Variants in NKAIN2 observed in about 807,000 individuals in gnomAD.
NKAIN2 encodes sodium/potassium transporting ATPase interacting 2.
Under a neutral mutation model 32.6 loss-of-function variants are expected in NKAIN2, and 14 were observed. The ratio of observed to expected loss-of-function variants is 0.43; its 90% CI spans 0.28 to 0.67. The LOEUF (loss-of-function observed/expected upper bound fraction) is 0.67. NKAIN2 is among the 30% of genes least tolerant of loss of function. The pLI is 0.17. For synonymous variants in NKAIN2, 80 were observed against 87.2 expected, an observed-to-expected ratio of 0.92 and a Z score of 0.46; for missense variants, 198 against 258.3, an observed-to-expected ratio of 0.77 and a Z score of 1.60.
At chr6:124,303,598 A>T (rs1381769656) in intron 2 of NKAIN2, among the ~76,000 whole-genome samples, 1 of 152,194 alleles carries the variant, frequency 6.6e-6, no homozygotes, top group Non-Finnish European at 1.5e-5. Context: ...CAGTAAATGA[A>T]TAGAAGTAAG....
intron 3 of NKAIN2, among the ~76,000 whole-genome samples, chr6:124,646,955 A>T (rs1360614077): frequency 1.3e-5 from 2 of 149,640 alleles, no homozygotes; most frequent in East Asian, 3.9e-4. Context: ...CGTCTCAAAA[A>T]ACAAAAACAA....
intron 3 of NKAIN2, among the ~76,000 whole-genome samples, chr6:124,373,778 G>T (rs940241216): frequency 2.6e-5 from 4 of 152,104 alleles, no homozygotes; most frequent in African/African-American, 9.7e-5. Context: ...ATGGCAAAGA[G>T]AAAGTTATTG....
chr6:124,441,492 G>T (rs1445222189), intron 3 of NKAIN2, among the ~76,000 whole-genome samples: 5 of 151,984 alleles, frequency 3.3e-5, no homozygotes, highest in African/African-American at 1.2e-4. Context: ...TCCAGTTCTC[G>T]CCTGGCTCTA....
intron 3 of NKAIN2, among the ~76,000 whole-genome samples, chr6:124,589,788 T>C (rs1583483849): frequency 6.6e-6 from 1 of 152,120 alleles, no homozygotes; most frequent in Admixed American, 6.5e-5. Flanking sequence ...TTTTAAGCCC[T>C]GCATGCATTA....
At chr6:124,005,161 G>A (rs1011649880) in intron 1 of NKAIN2, among the ~76,000 whole-genome samples, 2 of 152,092 alleles carry the variant, frequency 1.3e-5, no homozygotes, top group African/African-American at 2.4e-5. Flanking sequence ...GGAGGTGGAG[G>A]TTGCAGTGAG....
intron 1 of NKAIN2, among the ~76,000 whole-genome samples, chr6:124,214,298 A>T (rs1200774100): frequency 6.6e-6 from 1 of 152,162 alleles, no homozygotes; most frequent in East Asian, 1.9e-4. Flanking sequence ...TAGTAGTAAA[A>T]TTCTTAAGAA....
At chr6:124,185,194 A>T (rs552019999) in intron 1 of NKAIN2, among the ~76,000 whole-genome samples, 137 of 152,244 alleles carry the variant, frequency 9.0e-4, no homozygotes, top group Non-Finnish European at 1.5e-3. Flanking sequence ...ACTCTTTCAT[A>T]TTATGAAACT....
At chr6:124,100,992 A>C (rs1210671223) in intron 1 of NKAIN2, among the ~76,000 whole-genome samples, 1 of 152,192 alleles carries the variant, frequency 6.6e-6, no homozygotes, top group Non-Finnish European at 1.5e-5. Context: ...GTACAGTAGA[A>C]TTGCTCAAAT....
chr6:124,210,792 A>T (rs375268927), intron 1 of NKAIN2, among the ~76,000 whole-genome samples: 1 of 151,206 alleles, frequency 6.6e-6, no homozygotes, highest in African/African-American at 2.4e-5. Flanking sequence ...GAATGTTGAT[A>T]TTGTGTTCTA....
At chr6:124,262,475 G>T (rs530554498) in intron 1 of NKAIN2, among the ~76,000 whole-genome samples, 1 of 152,264 alleles carries the variant, frequency 6.6e-6, no homozygotes, top group African/African-American at 2.4e-5. Flanking sequence ...GTCTTCTAAA[G>T]AAAAGTTGGA....
At chr6:124,189,502 T>C (rs562299989) in intron 1 of NKAIN2, among the ~76,000 whole-genome samples, 1 of 152,066 alleles carries the variant, frequency 6.6e-6, no homozygotes, top group Admixed American at 6.6e-5. Flanking sequence ...AGTTCGAGAC[T>C]ATCCTGCTAA....
intron 1 of NKAIN2, among the ~76,000 whole-genome samples, chr6:124,032,888 A>C (rs777958462): frequency 2.6e-4 from 39 of 152,116 alleles, no homozygotes; most frequent in South Asian, 6.2e-4. Context: ...CTCTCTGGTA[A>C]TGTTTGTTTG....
intron 3 of NKAIN2, among the ~76,000 whole-genome samples, chr6:124,482,656 T>G (rs775852152): frequency 2.0e-4 from 30 of 152,184 alleles, no homozygotes; most frequent in Non-Finnish European, 1.8e-4. Flanking sequence ...TCAAGAAAAT[T>G]AAGACTTTTC....
At position 124,758,448 on chromosome 6, in the gene NKAIN2, C is replaced by T. The variant is rs138566462; in HGVS notation, c.475-32891C>T. On this transcript the variant is annotated intron_variant, in intron 4 of 6. Coordinates refer to ENST00000368417, the MANE Select transcript of NKAIN2 (RefSeq NM_001040214.3). The stretch of plus-strand genomic sequence containing the variant: ...GGACCCCACCAGACGCAGAATCTGC[C>T]GGCACCTTAATCTTGGACTTCCCAG... Among the ~76,000 whole-genome samples, 50 of 152,206 alleles carry T rather than the reference C, an allele frequency of 3.3e-4. No individual in the cohort carries two copies. In the South Asian group the frequency reaches 3.7e-3, roughly 11 times the overall value.
chr6:124,784,216 G>A (rs947560547), intron 4 of NKAIN2, among the ~76,000 whole-genome samples: 38 of 152,094 alleles, frequency 2.5e-4, no homozygotes, highest in African/African-American at 8.7e-4. Flanking sequence ...GAAATAAAAT[G>A]AGAGATTCTG....
At chr6:124,715,733 T>A (rs1331305694) in intron 4 of NKAIN2, among the ~76,000 whole-genome samples, 1 of 152,190 alleles carries the variant, frequency 6.6e-6, no homozygotes, top group Non-Finnish European at 1.5e-5. Context: ...ACAAAACTGC[T>A]ACCTGATTTC....
At chr6:124,013,655 A>G (rs1001142004) in intron 1 of NKAIN2, among the ~76,000 whole-genome samples, 5 of 152,142 alleles carry the variant, frequency 3.3e-5, no homozygotes, top group Non-Finnish European at 7.4e-5. Flanking sequence ...TGCATATGTT[A>G]CCCTTTATGG....
intron 1 of NKAIN2, among the ~76,000 whole-genome samples, chr6:123,918,065 A>G (rs1264081536): frequency 2.0e-5 from 3 of 152,164 alleles, no homozygotes; most frequent in African/African-American, 7.2e-5. Context: ...TTTTAATACT[A>G]TCCATGCTCT....
At chr6:123,991,400 A>G (rs1478025753) in intron 1 of NKAIN2, among the ~76,000 whole-genome samples, 1 of 152,124 alleles carries the variant, frequency 6.6e-6, no homozygotes, top group African/African-American at 2.4e-5. Flanking sequence ...CTGATATTAA[A>G]TATTGCCCAG....
Sources: allele counts gnomAD v4.1 joint callset (sites outside exome capture counted in the v4.1 genomes callset), GRCh38; gene constraint gnomAD v4.1.1; transcripts MANE v1.5; gene names NCBI Gene and HGNC (gene_info 2026-07-23, HGNC 2026-07-21).